SLC6A3: variants seen among roughly 807,000 people sequenced by gnomAD.
The protein encoded by SLC6A3 is sodium-dependent dopamine transporter.
SLC6A3 carries 19 observed loss-of-function variants against 70.4 expected under a neutral mutation model. The observed-to-expected ratio is 0.27, with a 90% CI of 0.19 to 0.40. SLC6A3 has a LOEUF of 0.40. SLC6A3 is among the 10% of genes least tolerant of loss of function. SLC6A3 has a pLI of 1.00. For synonymous variants in SLC6A3, 368 were observed against 356.6 expected (o/e 1.03, Z -0.36); for missense variants, 613 against 838.5 (o/e 0.73, Z 3.32).
chr5:1,442,950 A>C lies in SLC6A3; in HGVS notation c.248T>G (p.Val83Gly), dbSNP rs1272336654. The change falls in exon 2 of 15, where the codon GTC becomes GGC. Residue 83 changes from valine (V) to glycine (G), a missense_variant. Val to Gly is a moderately radical substitution (Grantham distance 109). Transcript: ENST00000270349. This position sits in a 1 kb window ranked among gnomAD's most constrained non-coding sequence, Gnocchi z 5.0. ...VIGFAVDLAN[V>G]WRFPYLCYKN... ...GTAGCACAGGTAGGGGAACCGCCAGACGTTGGCCAGGTCCACAGCAAAGCC... is the reference window on the plus strand; with the variant it reads ...GTAGCACAGGTAGGGGAACCGCCAGCCGTTGGCCAGGTCCACAGCAAAGCC... The C allele has an allele frequency of 1.2e-6, 2 of 1,614,066 alleles. No individual in the cohort carries two copies. Among genetic ancestry groups the C allele is most frequent in the South Asian group, 1.1e-5 (1 of 91,086 alleles).
At chr5:1,431,927 C>T (rs459141) in intron 4 of SLC6A3, among the ~76,000 whole-genome samples, 47,326 of 152,140 alleles carry the variant, frequency 0.31, 8,302 homozygotes, top group East Asian at 0.52. Context: ...GAAAAGCGGA[C>T]GGCTGGGTCA....
Position 1,394,737 on chromosome 5 carries a change from A to G in SLC6A3, c.1861T>C (p.Ter621GlnextTer24). 6.2e-7 allele frequency: 1 copy of G among 1,613,996 alleles called. No individual in the cohort carries two copies. Among genetic ancestry groups the G allele is most frequent in the Non-Finnish European group, 8.5e-7 (1 of 1,179,962 alleles). ...QFTLRHWLKV[*>Q] The stretch of plus-strand genomic sequence containing the variant: ...TGGGGTCTTCGTCTCTGCTCCCTCT[A>G]CACCTTGAGCCAGTGGCGGAGCTGG... Residue 621 changes from the stop codon to glutamine (Q), a stop_lost, in exon 15 of 15, where the codon TAG becomes CAG. Coordinates refer to ENST00000270349, the MANE Select transcript of SLC6A3 (RefSeq NM_001044.5). The surrounding 1 kb of genome is among the most constrained non-coding windows in gnomAD (Gnocchi z 4.7).
intron 7 of SLC6A3, among the ~76,000 whole-genome samples, chr5:1,415,058 G>A (rs542756424): frequency 3.2e-4 from 49 of 152,256 alleles, no homozygotes; most frequent in Admixed American, 9.2e-4. Context: ...CAGAACAGAC[G>A]GCCACCCCTG....
chr5:1,416,813 C>T (rs538622572), intron 6 of SLC6A3, among the ~76,000 whole-genome samples: 4 of 151,946 alleles, frequency 2.6e-5, no homozygotes, highest in Non-Finnish European at 4.4e-5. Context: ...ACAACATGAC[C>T]GCAGCGTCCT....
Position 1,408,317 on chromosome 5 carries a change from C to T in SLC6A3, c.1498+709G>A, listed in dbSNP as rs1351403531. Among the ~76,000 whole-genome samples, 1 of 151,498 alleles carries T rather than the reference C, an allele frequency of 6.6e-6. No individual in the cohort carries two copies. Among genetic ancestry groups the T allele is most frequent in the East Asian group, 1.9e-4 (1 of 5,144 alleles). On this transcript the variant is annotated intron_variant, in intron 11 of 14. Transcript: ENST00000270349. The surrounding 1 kb of genome is among the most constrained non-coding windows in gnomAD (Gnocchi z 6.4). The stretch of plus-strand genomic sequence containing the variant: ...TCGGCCTCCCAAAGTGCTGGGATTA[C>T]AGGCGTGAGTCACCGCGCCCGGACC...
chr5:1,395,424 CAG>C (rs142332170), intron 14 of SLC6A3, among the ~76,000 whole-genome samples: 5,202 of 152,318 alleles, frequency 0.034, 127 homozygotes, highest in Middle Eastern at 0.075. Context: ...CATTTCCAAA[CAG>C]GGGCATGCGG....
At position 1,401,266 on chromosome 5, in the gene SLC6A3, G is replaced by T. The variant is rs3822458; in HGVS notation, c.1768-280C>A. The T allele has an allele frequency of 3.1e-6, 2 of 652,286 alleles. No individual in the cohort carries two copies. The highest frequency in any genetic ancestry group is 4.2e-5 in the Admixed American group (2 of 48,174). 40.4% of individuals were successfully genotyped at this position (652,286 alleles called of 1,614,324 possible). A position where few individuals can be genotyped will look rare whatever the true frequency, so the allele number is the denominator to read the frequency against. On this transcript the variant is annotated intron_variant, in intron 13 of 14. Coordinates refer to ENST00000270349, the MANE Select transcript of SLC6A3 (RefSeq NM_001044.5). The surrounding 1 kb of genome is among the most constrained non-coding windows in gnomAD (Gnocchi z 6.1). ...GCAGAACATCAGCATTTGAGCACTC[G>T]CTTGAAAATAAAACGTGGTCCTGGA...
chr5:1,411,228 G>A lies in SLC6A3; in HGVS notation c.1269+15C>T. The A allele has an allele frequency of 6.6e-7, 1 of 1,521,600 alleles. No individual in the cohort carries two copies. Among genetic ancestry groups the A allele is most frequent in the Admixed American group, 2.0e-5 (1 of 50,988 alleles). The allele number at this position is 1,521,600 out of a possible 1,614,324, so 94.3% of individuals were successfully genotyped here. On this transcript the variant is annotated intron_variant, in intron 9 of 14. Coordinates refer to ENST00000270349, the MANE Select transcript of SLC6A3 (RefSeq NM_001044.5). This position sits in a 1 kb window ranked among gnomAD's most constrained non-coding sequence, Gnocchi z 6.5. ...CAACTGCCGAGGACAGGGCCGGGCG[G>A]TGCGGGTTACTCACGGCGCTGTCGA...
At chr5:1,422,246 A>G (rs1422804857) in intron 4 of SLC6A3, among the ~76,000 whole-genome samples, 2 of 152,194 alleles carry the variant, frequency 1.3e-5, no homozygotes, top group Non-Finnish European at 2.9e-5. Flanking sequence ...GCCCTGCCTC[A>G]CCATCTGCCC....
In SLC6A3 at chr5:1,438,190, G is replaced by A. The variant is rs746808960; in HGVS notation, c.418+3169C>T. 6.6e-6 allele frequency among the ~76,000 whole-genome samples: 1 copy of A among 152,226 alleles called. No homozygotes were observed. The highest frequency in any genetic ancestry group is 1.5e-5 in the Non-Finnish European group (1 of 68,042). On this transcript the variant is annotated intron_variant, in intron 3 of 14. Coordinates refer to ENST00000270349, the MANE Select transcript of SLC6A3 (RefSeq NM_001044.5). This position sits in a 1 kb window ranked among gnomAD's most constrained non-coding sequence, Gnocchi z 6.5. Reference sequence around the variant, plus strand: ...TCGAACAGTTCACTTTCTGTGATTTGCAATTTTCCTTCCTCACCAGGACTA... The same window carrying A: ...TCGAACAGTTCACTTTCTGTGATTTACAATTTTCCTTCCTCACCAGGACTA...
At chr5:1,417,238 C>T (rs890097746) in intron 6 of SLC6A3, among the ~76,000 whole-genome samples, 2 of 152,110 alleles carry the variant, frequency 1.3e-5, no homozygotes, top group South Asian at 2.1e-4. Flanking sequence ...ATGATGGCGG[C>T]ACCCTGATAA....
chr5:1,435,293 G>A (rs1015569283), intron 3 of SLC6A3, among the ~76,000 whole-genome samples: 1 of 152,244 alleles, frequency 6.6e-6, no homozygotes, highest in Non-Finnish European at 1.5e-5. Flanking sequence ...AGAGAGCACT[G>A]TGGAGGGTTT....
rs555971799 is a variant in SLC6A3, at chr5:1,396,336, A to G, written c.1840-1578T>C. Among the ~76,000 whole-genome samples the G allele has an allele frequency of 2.6e-5, 4 of 152,288 alleles. No individual in the cohort carries two copies. The highest frequency in any genetic ancestry group is 9.6e-5 in the African/African-American group (4 of 41,562). On this transcript the variant is annotated intron_variant, in intron 14 of 14. Transcript: ENST00000270349. This position sits in a 1 kb window ranked among gnomAD's most constrained non-coding sequence, Gnocchi z 7.0. ...CCGAAACAAGCCCCAAATAAACAAA[A>G]CACACGTGCCGATGACCTTCCAGAC...
rs961892338 is a variant in SLC6A3, at chr5:1,402,991, T to C, written c.1698A>G (p.Thr566=). 6.2e-6 allele frequency: 10 copies of C among 1,613,936 alleles called. No homozygotes were observed. Among genetic ancestry groups the C allele is most frequent in the Non-Finnish European group, 8.5e-6 (10 of 1,180,018 alleles). The change falls in exon 13 of 15, where the codon ACA becomes ACG. Residue 566 remains threonine (T), a synonymous_variant. Coordinates refer to ENST00000270349, the MANE Select transcript of SLC6A3 (RefSeq NM_001044.5). This position sits in a 1 kb window ranked among gnomAD's most constrained non-coding sequence, Gnocchi z 8.5. ...AGATGGGCACCATGGCCATGGAGGATGTGGCGATGACCCAGCCCAGCGCGT... is the reference window on the plus strand; with the variant it reads ...AGATGGGCACCATGGCCATGGAGGACGTGGCGATGACCCAGCCCAGCGCGT... The part of the protein sequence containing the change: ...WANALGWVIA[T]SSMAMVPIYA...
Position 1,411,520 on chromosome 5 carries a change from T to C in SLC6A3, c.1157-165A>G, listed in dbSNP as rs967056636. Among the ~76,000 whole-genome samples, 1 of 152,144 alleles carries C rather than the reference T, an allele frequency of 6.6e-6. No individual in the cohort carries two copies. Among genetic ancestry groups the C allele is most frequent in the Non-Finnish European group, 1.5e-5 (1 of 68,032 alleles). On this transcript the variant is annotated intron_variant, in intron 8 of 14. Coordinates refer to ENST00000270349, the MANE Select transcript of SLC6A3 (RefSeq NM_001044.5). This position sits in a 1 kb window ranked among gnomAD's most constrained non-coding sequence, Gnocchi z 6.5. ...TTCTATATGTCCAGCAGACCAGGCC[T>C]GGGACTCAGGAAAGCGGAAACCCAG...
At chr5:1,423,985 G>T (rs1214293024) in intron 4 of SLC6A3, among the ~76,000 whole-genome samples, 1 of 152,206 alleles carries the variant, frequency 6.6e-6, no homozygotes, top group Non-Finnish European at 1.5e-5. Flanking sequence ...CAGCTGCAAG[G>T]CATTCCAGGG....
chr5:1,406,691 G>A lies in SLC6A3; in HGVS notation c.1499-403C>T, dbSNP rs961135778. 2.0e-5 allele frequency among the ~76,000 whole-genome samples: 3 copies of A among 151,888 alleles called. No individual in the cohort carries two copies. Among genetic ancestry groups the A allele is most frequent in the African/African-American group, 4.8e-5 (2 of 41,372 alleles). Reference sequence around the variant, plus strand: ...CATTTTAGCCATTTTTACGTGTAGAGTTCATAATGTATCAATACATTCACA... The same window carrying A: ...CATTTTAGCCATTTTTACGTGTAGAATTCATAATGTATCAATACATTCACA... On this transcript the variant is annotated intron_variant, in intron 11 of 14. Transcript: ENST00000270349. The surrounding 1 kb of genome is among the most constrained non-coding windows in gnomAD (Gnocchi z 8.8).
rs1756127418 is a variant in SLC6A3 at position 1,411,587 on chromosome 5, TG to T, written c.1157-233del. On this transcript the variant is annotated intron_variant, in intron 8 of 14. Transcript: ENST00000270349. This position sits in a 1 kb window ranked among gnomAD's most constrained non-coding sequence, Gnocchi z 6.5. ...TTGGTTCATGCCCACCACCCAGCAA[TG>T]GGGCTCCTCCAAATTACCTGGGTCC... Among the ~76,000 whole-genome samples, 1 of 152,154 alleles carries T rather than the reference TG, an allele frequency of 6.6e-6. No homozygotes were observed. Among genetic ancestry groups the T allele is most frequent in the Non-Finnish European group, 1.5e-5 (1 of 68,020 alleles).
rs1022338270 is a variant in SLC6A3, at chr5:1,404,467, C to G, written c.1600-1378G>C. Among the ~76,000 whole-genome samples, 6 of 152,256 alleles carry G rather than the reference C, an allele frequency of 3.9e-5. No individual in the cohort carries two copies. The highest frequency in any genetic ancestry group is 8.8e-5 in the Non-Finnish European group (6 of 68,044). On this transcript the variant is annotated intron_variant, in intron 12 of 14. Transcript: ENST00000270349. The surrounding 1 kb of genome is among the most constrained non-coding windows in gnomAD (Gnocchi z 5.2). ...TGTTCAACTTCTTGCTAGATACCACCTTTCTTAGAAAGAACTATGCCTCCC... is the reference window on the plus strand; with the variant it reads ...TGTTCAACTTCTTGCTAGATACCACGTTTCTTAGAAAGAACTATGCCTCCC...
Sources: gnomAD v4.1 joint callset for allele counts (sites outside exome capture counted in the v4.1 genomes callset) on GRCh38, gnomAD v4.1.1 for gene constraint, Gnocchi (gnomAD v3.1) non-coding constraint, MANE v1.5 for transcripts, NCBI Gene and HGNC (gene_info 2026-07-23, HGNC 2026-07-21) for gene names.